Variants in ATP10B observed in about 807,000 individuals in gnomAD.
ATP10B encodes ATPase phospholipid transporting 10B (putative).
Under a neutral mutation model 141.2 loss-of-function variants are expected in ATP10B, and 122 were observed. The ratio of observed to expected loss-of-function variants is 0.86; its 90% CI spans 0.75 to 1.00. The LOEUF (loss-of-function observed/expected upper bound fraction) is 1.00. Among genes scored for constraint, ATP10B ranks in the 50% least tolerant of loss-of-function variants. The pLI, the probability that ATP10B is intolerant of heterozygous loss-of-function variation, is 0.00. For synonymous variants in ATP10B, 685 were observed against 692.0 expected, an observed-to-expected ratio of 0.99 and a Z score of 0.16; for missense variants, 1,876 against 1,825.3, an observed-to-expected ratio of 1.03 and a Z score of -0.51.
the ATP10B span, among the ~76,000 whole-genome samples, chr5:160,878,113 C>T: frequency 0.026 from 3,846 of 149,806 alleles, 111 homozygotes; most frequent in East Asian, 0.15. Context: ...GGAGGCATCA[C>T]ACTACCTGAC....
chr5:160,630,671 C>T (rs1758870405), intron 13 of ATP10B, among the ~76,000 whole-genome samples: 1 of 152,112 alleles, frequency 6.6e-6, no homozygotes, highest in Admixed American at 6.5e-5. Context: ...AATATACACA[C>T]CTTGTTATTA....
intron 1 of ATP10B, among the ~76,000 whole-genome samples, chr5:160,807,624 C>T (rs1459053205): frequency 6.6e-6 from 1 of 152,078 alleles, no homozygotes; most frequent in Non-Finnish European, 1.5e-5. Flanking sequence ...AATTGAGAAA[C>T]TGATGGAGGA....
At chr5:160,770,482 T>G (rs555370674) in intron 2 of ATP10B, among the ~76,000 whole-genome samples, 27 of 152,266 alleles carry the variant, frequency 1.8e-4, no homozygotes, top group African/African-American at 6.5e-4. Flanking sequence ...ATCAGATGAA[T>G]TGAATTCCAT....
the ATP10B span, among the ~76,000 whole-genome samples, chr5:160,926,558 A>C: frequency 3.3e-5 from 5 of 152,252 alleles, no homozygotes; most frequent in African/African-American, 1.2e-4. Flanking sequence ...CTTAAATCAA[A>C]CAGACAGGGC....
At chr5:160,703,330 T>C (rs769396537) in intron 3 of ATP10B, among the ~76,000 whole-genome samples, 15 of 152,246 alleles carry the variant, frequency 9.9e-5, no homozygotes, top group Non-Finnish European at 2.2e-4. Flanking sequence ...TATACTATAC[T>C]GTAGTCTATT....
intron 7 of ATP10B, among the ~76,000 whole-genome samples, chr5:160,664,542 T>C (rs1227648943): frequency 6.6e-6 from 1 of 152,236 alleles, no homozygotes; most frequent in Non-Finnish European, 1.5e-5. Context: ...ACGTTGATTA[T>C]TGATGCTCTA....
chr5:160,814,088 G>C (rs554118185), intron 1 of ATP10B, among the ~76,000 whole-genome samples: 1 of 152,134 alleles, frequency 6.6e-6, no homozygotes, highest in Non-Finnish European at 1.5e-5. Context: ...CTCCTCCTTC[G>C]AAGGAACGCA....
intron 1 of ATP10B, among the ~76,000 whole-genome samples, chr5:160,815,816 C>G: frequency 6.6e-6 from 1 of 152,200 alleles, no homozygotes; most frequent in Non-Finnish European, 1.5e-5. Flanking sequence ...AACTGTCTCT[C>G]AGACCACAGT....
At chr5:160,650,162 A>G (rs1041452072) in intron 7 of ATP10B, among the ~76,000 whole-genome samples, 2 of 150,906 alleles carry the variant, frequency 1.3e-5, no homozygotes, top group Non-Finnish European at 2.9e-5. Context: ...ATATATATAC[A>G]TATATATACA....
At position 160,634,564 on chromosome 5, in the gene ATP10B, TCAC is replaced by T. The variant is rs1263338345; in HGVS notation, c.1168_1170del (p.Val390del). 1 of 1,614,024 alleles carries T rather than the reference TCAC, an allele frequency of 6.2e-7. No individual in the cohort carries two copies. The highest frequency in any genetic ancestry group is 1.1e-5 in the South Asian group (1 of 91,032). On this transcript the variant is annotated inframe_deletion, in exon 12 of 26. Coordinates refer to ENST00000327245, the MANE Select transcript of ATP10B (RefSeq NM_025153.3). ...CTCAAGAAGAACACTTGCCCGAGCT[TCAC>T]CAGCTCAATGGAGACATACAAAGAG...
chr5:160,696,724 TAAC>T (rs941825482), intron 3 of ATP10B, among the ~76,000 whole-genome samples: 34 of 152,118 alleles, frequency 2.2e-4, no homozygotes, highest in African/African-American at 7.5e-4. Flanking sequence ...GTCAAAACAA[TAAC>T]AACAACAACA....
intron 2 of ATP10B, among the ~76,000 whole-genome samples, chr5:160,778,638 A>G (rs1770505085): frequency 6.6e-6 from 1 of 152,136 alleles, no homozygotes; most frequent in African/African-American, 2.4e-5. Context: ...TGAATAAAAT[A>G]ACTTCTATTC....
intron 24 of ATP10B, among the ~76,000 whole-genome samples, chr5:160,585,289 T>C (rs1043359523): frequency 1.3e-5 from 2 of 152,226 alleles, no homozygotes; most frequent in African/African-American, 4.8e-5. Context: ...TCAATGACAA[T>C]ATTTTATTTT....
intron 2 of ATP10B, among the ~76,000 whole-genome samples, chr5:160,766,712 A>G (rs1769461682): frequency 6.6e-6 from 1 of 152,206 alleles, no homozygotes; most frequent in Non-Finnish European, 1.5e-5. Flanking sequence ...ATTTAACCAA[A>G]TACCACCTGT....
At chr5:160,591,353 G>A (rs1473301708) in intron 22 of ATP10B, among the ~76,000 whole-genome samples, 1 of 152,178 alleles carries the variant, frequency 6.6e-6, no homozygotes, top group African/African-American at 2.4e-5. Context: ...AAACTGTGCG[G>A]AGAACTAGTT....
intron 1 of ATP10B, among the ~76,000 whole-genome samples, chr5:160,819,564 C>G (rs996704921): frequency 3.3e-5 from 5 of 152,112 alleles, no homozygotes; most frequent in Admixed American, 2.0e-4. Context: ...GTGTAAACTA[C>G]TCTTATCTTA....
intron 2 of ATP10B, among the ~76,000 whole-genome samples, chr5:160,736,595 A>C (rs1767127121): frequency 6.6e-6 from 1 of 152,180 alleles, no homozygotes; most frequent in Non-Finnish European, 1.5e-5. Flanking sequence ...CCCCGTCTCT[A>C]CTAAAAATAC....
chr5:160,908,054 C>G, the ATP10B span, among the ~76,000 whole-genome samples: 8 of 152,242 alleles, frequency 5.3e-5, no homozygotes, highest in South Asian at 1.7e-3. Context: ...CCCAATAAAG[C>G]CACTGGGAGT....
intron 2 of ATP10B, among the ~76,000 whole-genome samples, chr5:160,736,518 C>T (rs186794787): frequency 6.6e-6 from 1 of 152,244 alleles, no homozygotes; most frequent in African/African-American, 2.4e-5. Context: ...AATCCCAGCA[C>T]TTTGGGAGGC....
Sources: gnomAD v4.1 joint callset for allele counts (sites outside exome capture counted in the v4.1 genomes callset) on GRCh38, gnomAD v4.1.1 for gene constraint, MANE v1.5 for transcripts, NCBI Gene and HGNC (gene_info 2026-07-23, HGNC 2026-07-21) for gene names.